Variants in RNF145 observed in about 807,000 individuals in gnomAD.
The protein encoded by RNF145 is ring finger protein 145.
A neutral mutation model predicts 57.3 loss-of-function variants in RNF145; 12 were observed. That is an observed-to-expected ratio of 0.21 (90% confidence interval 0.13 to 0.34). RNF145 has a LOEUF of 0.34. RNF145 is among the 10% of genes least tolerant of loss of function. RNF145 has a pLI of 1.00. For missense variants in RNF145, 429 were observed against 799.0 expected (o/e 0.54, Z 5.58); for synonymous variants, 262 against 288.3 (o/e 0.91, Z 0.92).
intron 3 of RNF145, among the ~76,000 whole-genome samples, chr5:159,185,580 T>C (rs563729709): frequency 2.6e-5 from 4 of 152,204 alleles, no homozygotes; most frequent in Non-Finnish European, 5.9e-5. Flanking sequence ...CAAAATTCCA[T>C]GAGTCATTTT....
At chr5:159,206,362 C>G (rs892004340) in intron 1 of RNF145, among the ~76,000 whole-genome samples, 1 of 152,044 alleles carries the variant, frequency 6.6e-6, no homozygotes, top group African/African-American at 2.4e-5. Flanking sequence ...CATGGAAAAT[C>G]AAAGAGAAAA....
intron 3 of RNF145, among the ~76,000 whole-genome samples, chr5:159,194,134 A>G (rs993146181): frequency 3.9e-5 from 6 of 152,270 alleles, no homozygotes; most frequent in Non-Finnish European, 8.8e-5. Context: ...AAGATAATGT[A>G]TATCAATCAT....
chr5:159,209,880 A>C, upstream of RNF145: 1 of 1,536,122 alleles, frequency 6.5e-7, no homozygotes, highest in East Asian at 2.4e-5. Flanking sequence ...GAGAATTTGA[A>C]GGGCTGATCC....
intron 1 of RNF145, chr5:159,207,668 CG>C (rs1785942499): frequency 6.2e-7 from 1 of 1,612,216 alleles, no homozygotes. Context: ...GGAAAGAGAA[CG>C]CATTTCTTAC....
At chr5:159,180,066 C>G (rs1194962292) in intron 4 of RNF145, among the ~76,000 whole-genome samples, 1 of 152,034 alleles carries the variant, frequency 6.6e-6, no homozygotes, top group Non-Finnish European at 1.5e-5. Context: ...ACTTCTCCCT[C>G]TCTCTCTGAC....
chr5:159,176,426 G>A (rs1397699224), intron 5 of RNF145, among the ~76,000 whole-genome samples: 1 of 152,046 alleles, frequency 6.6e-6, no homozygotes, highest in South Asian at 2.1e-4. Flanking sequence ...TCTGCTTTAA[G>A]AGAACCACTT....
rs1786026028 is a variant in RNF145, at chr5:159,209,433, G to A, written c.-242C>T. ...AGGCAGCGGCAGCGGCAGCGGCCCG[G>A]CCCGTACGGTCACCATCGTCCGCGG... On this transcript the variant is annotated 5_prime_UTR_variant, in exon 1 of 11. Transcript: ENST00000424310. 28 of 985,056 alleles carry A rather than the reference G, an allele frequency of 2.8e-5. 1 individual carries two copies. In the South Asian group the frequency reaches 1.1e-3, roughly 40 times the overall value. 61.0% of individuals were successfully genotyped at this position (985,056 alleles called of 1,614,324 possible).
chr5:159,205,766 CAA>C (rs1356204043), intron 1 of RNF145, among the ~76,000 whole-genome samples: 1 of 152,080 alleles, frequency 6.6e-6, no homozygotes, highest in African/African-American at 2.4e-5. Context: ...TTATAAGTAA[CAA>C]GAGAGGGAGG....
chr5:159,176,521 T>G (rs1341637929), intron 5 of RNF145, 111 bp downstream of exon 5: 4 of 680,512 alleles, frequency 5.9e-6, no homozygotes, highest in Non-Finnish European at 1.0e-5. Context: ...GTTTTGAAAC[T>G]GCAAAAATGA....
intron 6 of RNF145, among the ~76,000 whole-genome samples, chr5:159,173,218 C>A (rs1241803330): frequency 6.6e-6 from 1 of 152,112 alleles, no homozygotes; most frequent in Non-Finnish European, 1.5e-5. Context: ...AACTTTCTTA[C>A]AACACTATGA....
chr5:159,209,146 G>A (rs1387627947), intron 1 of RNF145, 85 bp downstream of exon 1: 1 of 425,668 alleles, frequency 2.3e-6, no homozygotes, highest in African/African-American at 2.2e-5. Context: ...AGGAGCCTGC[G>A]ACGCGATGGG....
At chr5:159,182,213 G>A (rs2113159513) in intron 3 of RNF145, among the ~76,000 whole-genome samples, 162 bp from the exon 4 acceptor site, 1 of 151,974 alleles carries the variant, frequency 6.6e-6, no homozygotes, top group East Asian at 1.9e-4. Context: ...TCTGTTTTCT[G>A]TGCACTAGAA....
Position 159,159,043 on chromosome 5 carries a change from AG to A in RNF145, c.1627-9del, listed in dbSNP as rs781343103. The A allele has an allele frequency of 1.9e-6, 3 of 1,602,484 alleles. No homozygotes were observed. Among genetic ancestry groups the A allele is most frequent in the African/African-American group, 1.3e-5 (1 of 74,274 alleles). On this transcript the variant is annotated splice_polypyrimidine_tract_variant and intron_variant, in intron 10 of 10. Coordinates refer to ENST00000424310, the MANE Select transcript of RNF145 (RefSeq NM_001199383.2). ...CACAGCAGATTTCATGTCCTAAAAG[AG>A]GGGGAAAAAAGATACCTTATAAATG...
chr5:159,171,373 C>T (rs11135052), intron 6 of RNF145, among the ~76,000 whole-genome samples: 18,348 of 152,022 alleles, frequency 0.12, 1,461 homozygotes, highest in South Asian at 0.2. Context: ...TCTATTTTTA[C>T]GGACCTTTCT....
intron 3 of RNF145, among the ~76,000 whole-genome samples, chr5:159,188,564 C>T (rs191542776): frequency 3.7e-4 from 57 of 152,160 alleles, no homozygotes; most frequent in African/African-American, 9.4e-4. Flanking sequence ...ATTTTCTATA[C>T]GGATTAGCAC....
At position 159,157,561 on chromosome 5, in the gene RNF145, T is replaced by A. The variant is rs1784080830; in HGVS notation, c.*1109A>T. The A allele has an allele frequency of 6.5e-6, 1 of 152,694 alleles. No homozygotes were observed. The highest frequency in any genetic ancestry group is 1.5e-5 in the Non-Finnish European group (1 of 68,004). The allele number at this position is 152,694 out of a possible 1,614,324, so 9.5% of individuals were successfully genotyped here. A position where few individuals can be genotyped will look rare whatever the true frequency, so the allele number is the denominator to read the frequency against. On this transcript the variant is annotated 3_prime_UTR_variant, in exon 11 of 11. Coordinates refer to ENST00000424310, the MANE Select transcript of RNF145 (RefSeq NM_001199383.2). ...GAGCCAAGCCTATTGTATAAATAAA[T>A]GACTAGTTTCTTTTCATATCAAAAT... is the stretch of plus-strand genomic sequence containing the variant.
At chr5:159,182,168 T>G (rs145364408) in intron 3 of RNF145, 117 bp from the exon 4 acceptor site, 28 of 544,562 alleles carry the variant, frequency 5.1e-5, no homozygotes, top group African/African-American at 5.0e-4. Context: ...AGGAAAAATT[T>G]AGATATGAAG....
At chr5:159,170,210 G>C (rs554718448) in intron 6 of RNF145, among the ~76,000 whole-genome samples, 1 of 152,136 alleles carries the variant, frequency 6.6e-6, no homozygotes, top group Non-Finnish European at 1.5e-5. Flanking sequence ...TGTTCACTGT[G>C]CTACATTATA....
intron 6 of RNF145, among the ~76,000 whole-genome samples, chr5:159,170,197 A>G (rs574482538): frequency 4.6e-5 from 7 of 152,190 alleles, no homozygotes; most frequent in Non-Finnish European, 5.9e-5. Context: ...TGGCTGTTCA[A>G]ATTGTTCACT....
Sources: allele counts gnomAD v4.1 joint callset (sites outside exome capture counted in the v4.1 genomes callset), GRCh38; gene constraint gnomAD v4.1.1; transcripts MANE v1.5; gene names NCBI Gene and HGNC (gene_info 2026-07-23, HGNC 2026-07-21).